The following ARL15 variants were observed in gnomAD, a reference collection of about 807,000 sequenced individuals.
The protein encoded by ARL15 is ADP-ribosylation factor-like protein 15.
In ARL15, 19 loss-of-function variants were observed where a neutral mutation model predicts 25.2. That is an observed-to-expected ratio of 0.75 (90% CI 0.53 to 1.10). The LOEUF is 1.10. Among genes scored for constraint, ARL15 ranks in the 50% least tolerant of loss-of-function variants. The pLI is 0.00. For synonymous variants in ARL15, 94 were observed against 86.8 expected (o/e 1.08, Z -0.46); for missense variants, 220 against 246.0 (o/e 0.89, Z 0.71).
intron 3 of ARL15, among the ~76,000 whole-genome samples, chr5:54,137,021 A>G (rs1019654140): frequency 3.3e-5 from 5 of 151,776 alleles, no homozygotes; most frequent in African/African-American, 1.2e-4. Flanking sequence ...TTGTTTTAAA[A>G]TTTGATTTAG....
intron 1 of ARL15, among the ~76,000 whole-genome samples, chr5:54,271,549 T>C (rs946017068): frequency 2.0e-5 from 3 of 152,182 alleles, no homozygotes; most frequent in Non-Finnish European, 4.4e-5. Flanking sequence ...GCAAATTTGT[T>C]TTCAAATATT....
chr5:54,205,993 C>A (rs1340252960), intron 1 of ARL15, among the ~76,000 whole-genome samples: 1 of 152,072 alleles, frequency 6.6e-6, no homozygotes, highest in East Asian at 1.9e-4. Flanking sequence ...GGCCCTTTCT[C>A]CTCCACCCCC....
intron 4 of ARL15, among the ~76,000 whole-genome samples, chr5:54,074,964 AT>A (rs941255103): frequency 6.6e-5 from 10 of 150,632 alleles, no homozygotes; most frequent in Non-Finnish European, 1.2e-4. Context: ...CTCCTGAGGA[AT>A]TTTATATCCC....
intron 1 of ARL15, among the ~76,000 whole-genome samples, chr5:54,309,765 C>G (rs951650270): frequency 2.0e-5 from 3 of 152,190 alleles, no homozygotes; most frequent in Non-Finnish European, 4.4e-5. Flanking sequence ...CCCACCTAAA[C>G]TTCTCAGCAC....
At chr5:54,106,653 A>T (rs1752597561) in intron 4 of ARL15, among the ~76,000 whole-genome samples, 1 of 152,176 alleles carries the variant, frequency 6.6e-6, no homozygotes, top group Non-Finnish European at 1.5e-5. Flanking sequence ...ATTGACAAAT[A>T]GACTATACGT....
At chr5:53,939,987 T>C (rs1580100278) in intron 4 of ARL15, among the ~76,000 whole-genome samples, 1 of 150,760 alleles carries the variant, frequency 6.6e-6, no homozygotes. Flanking sequence ...ACTTTTTTTT[T>C]TTTTTTTTTG....
intron 4 of ARL15, among the ~76,000 whole-genome samples, chr5:54,091,366 T>C (rs1269636115): frequency 6.6e-6 from 1 of 152,212 alleles, no homozygotes; most frequent in Non-Finnish European, 1.5e-5. Context: ...TCAGAGACTT[T>C]ATTTCTCAGG....
chr5:54,101,788 A>G (rs1437264786), intron 4 of ARL15, among the ~76,000 whole-genome samples: 1 of 152,156 alleles, frequency 6.6e-6, no homozygotes, highest in African/African-American at 2.4e-5. Flanking sequence ...GCTTATTAAC[A>G]TAAGTCATTA....
intron 1 of ARL15, among the ~76,000 whole-genome samples, chr5:54,217,990 T>A (rs1208380549): frequency 6.6e-6 from 1 of 152,102 alleles, no homozygotes; most frequent in African/African-American, 2.4e-5. Context: ...ATTTTCAAAA[T>A]TAAGACTGGG....
intron 4 of ARL15, among the ~76,000 whole-genome samples, chr5:53,937,795 C>T (rs1746398726): frequency 6.7e-6 from 1 of 149,858 alleles, no homozygotes; most frequent in African/African-American, 2.5e-5. Context: ...TGTGCCAAAT[C>T]TATGTGATCA....
At chr5:54,140,469 G>T (rs1229320311) in intron 3 of ARL15, among the ~76,000 whole-genome samples, 1 of 150,816 alleles carries the variant, frequency 6.6e-6, no homozygotes, top group Non-Finnish European at 1.5e-5. Flanking sequence ...GATAGATAGA[G>T]ATAGAGATAG....
At chr5:54,296,271 C>T (rs536119915) in intron 1 of ARL15, among the ~76,000 whole-genome samples, 19 of 152,276 alleles carry the variant, frequency 1.2e-4, no homozygotes, top group Non-Finnish European at 2.2e-4. Flanking sequence ...TACCATAAGT[C>T]CTTGTTTTAT....
At chr5:53,969,027 G>A (rs963916513) in intron 4 of ARL15, among the ~76,000 whole-genome samples, 1 of 151,914 alleles carries the variant, frequency 6.6e-6, no homozygotes, top group African/African-American at 2.4e-5. Flanking sequence ...GCAGGTGCCT[G>A]TAATCTCAGC....
chr5:54,037,149 C>T (rs1376759656), intron 4 of ARL15, among the ~76,000 whole-genome samples: 1 of 151,682 alleles, frequency 6.6e-6, no homozygotes, highest in African/African-American at 2.4e-5. Context: ...TTTTAAATCC[C>T]CACAATATCT....
chr5:54,149,423 A>C (rs897095389), intron 3 of ARL15, among the ~76,000 whole-genome samples: 2 of 152,196 alleles, frequency 1.3e-5, no homozygotes, highest in African/African-American at 4.8e-5. Context: ...CATGATTTGC[A>C]TTATTTCTGA....
At position 54,267,793 on chromosome 5, in the gene ARL15, G is replaced by A. The variant is rs577461105; in HGVS notation, c.48+42639C>T. 3.6e-3 allele frequency among the ~76,000 whole-genome samples: 553 copies of A among 152,076 alleles called. 2 individuals are homozygous for A. Among genetic ancestry groups the A allele is most frequent in the African/African-American group, 0.013 (536 of 41,462 alleles). Reference sequence around the variant, plus strand: ...TTTTCTTTAAGAATGTTGAATATTGGCCCCCACTCTCTTCTCGCTTGTAGA... The same window carrying A: ...TTTTCTTTAAGAATGTTGAATATTGACCCCCACTCTCTTCTCGCTTGTAGA... On this transcript the variant is annotated intron_variant, in intron 1 of 4. Transcript: ENST00000504924.
intron 4 of ARL15, among the ~76,000 whole-genome samples, chr5:54,099,420 T>C (rs1752375130): frequency 6.6e-6 from 1 of 152,082 alleles, no homozygotes; most frequent in South Asian, 2.1e-4. Flanking sequence ...CAATACCACA[T>C]ATATGAATGA....
intron 3 of ARL15, among the ~76,000 whole-genome samples, chr5:54,129,888 T>G (rs187135210): frequency 6.6e-6 from 1 of 152,190 alleles, no homozygotes; most frequent in Admixed American, 6.6e-5. Flanking sequence ...CATCAATATA[T>G]GTAAAAGAAA....
intron 4 of ARL15, among the ~76,000 whole-genome samples, chr5:54,054,813 G>A (rs778093872): frequency 5.9e-5 from 9 of 151,842 alleles, no homozygotes; most frequent in Admixed American, 2.6e-4. Flanking sequence ...AATACTAGAT[G>A]AGAAAAGGTA....
Sources: gnomAD v4.1 joint callset for allele counts (sites outside exome capture counted in the v4.1 genomes callset) on GRCh38, gnomAD v4.1.1 for gene constraint, MANE v1.5 for transcripts, NCBI Gene and HGNC (gene_info 2026-07-23, HGNC 2026-07-21) for gene names.